The following DNAH11 variants were observed in gnomAD, a reference collection of about 807,000 sequenced individuals.
DNAH11 encodes the protein dynein axonemal heavy chain 11.
Under a neutral mutation model 526.0 loss-of-function variants are expected in DNAH11, and 442 were observed. That is an observed-to-expected ratio of 0.84 (90% CI 0.78 to 0.91). DNAH11 has a LOEUF of 0.91. Among genes scored for constraint, DNAH11 ranks in the 40% least tolerant of loss-of-function variants. DNAH11 has a pLI of 0.00. For synonymous variants in DNAH11, 2,461 were observed against 1,935.9 expected, an observed-to-expected ratio of 1.27 and a Z score of -7.12; for missense variants, 6,989 against 5,448.7, an observed-to-expected ratio of 1.28 and a Z score of -8.90.
At chr7:21,779,636 T>G (rs994644579) in intron 57 of DNAH11, among the ~76,000 whole-genome samples, 11 of 152,238 alleles carry the variant, frequency 7.2e-5, no homozygotes, top group Non-Finnish European at 1.5e-4. Flanking sequence ...CCTTTAAGAT[T>G]ATATAGATTC....
chr7:21,809,075 A>G (rs1244517677), intron 63 of DNAH11, among the ~76,000 whole-genome samples: 1 of 152,152 alleles, frequency 6.6e-6, no homozygotes, highest in Non-Finnish European at 1.5e-5. Context: ...TAGCCATTCT[A>G]ACTGAGGTGA....
intron 14 of DNAH11, among the ~76,000 whole-genome samples, chr7:21,592,100 A>C (rs1168248861): frequency 6.6e-6 from 1 of 152,214 alleles, no homozygotes; most frequent in Non-Finnish European, 1.5e-5. Flanking sequence ...GAAGGCAGGA[A>C]AATAAAAGCA....
intron 32 of DNAH11, among the ~76,000 whole-genome samples, chr7:21,686,500 CA>C (rs1171981701): frequency 1.3e-5 from 2 of 152,020 alleles, no homozygotes; most frequent in Non-Finnish European, 2.9e-5. Flanking sequence ...GTCTTTGCTG[CA>C]AAAATAAGTA....
intron 25 of DNAH11, among the ~76,000 whole-genome samples, chr7:21,629,524 T>C (rs1032870777): frequency 2.0e-5 from 3 of 152,144 alleles, no homozygotes; most frequent in Admixed American, 2.0e-4. Context: ...TGTACTATCA[T>C]TGTGTTGCAG....
intron 63 of DNAH11, among the ~76,000 whole-genome samples, chr7:21,811,447 T>C (rs1404976199): frequency 3.8e-5 from 5 of 132,178 alleles, no homozygotes; most frequent in African/African-American, 1.5e-4. Context: ...CAGAGTGAGA[T>C]GCCATCTCAA....
At chr7:21,653,102 C>G (rs796838085) in intron 28 of DNAH11, among the ~76,000 whole-genome samples, 76 of 152,278 alleles carry the variant, frequency 5.0e-4, no homozygotes, top group African/African-American at 1.8e-3. Flanking sequence ...TTTGGAACTC[C>G]TGACCTCAGG....
intron 65 of DNAH11, among the ~76,000 whole-genome samples, chr7:21,835,532 A>G (rs777920435): frequency 5.9e-5 from 9 of 152,212 alleles, no homozygotes; most frequent in Non-Finnish European, 8.8e-5. Context: ...ATTTCAATCA[A>G]CACAGAAAAC....
At chr7:21,579,481 C>A (rs1215655549) in intron 8 of DNAH11, among the ~76,000 whole-genome samples, 1 of 152,008 alleles carries the variant, frequency 6.6e-6, no homozygotes, top group Admixed American at 6.6e-5. Flanking sequence ...ACATAGGGCC[C>A]CTTTCCAGAG....
At chr7:21,638,160 A>C (rs1035250546) in intron 27 of DNAH11, among the ~76,000 whole-genome samples, 73 of 152,208 alleles carry the variant, frequency 4.8e-4, no homozygotes, top group Non-Finnish European at 2.1e-4. Flanking sequence ...TTTCACATTT[A>C]ATTCTATAAG....
intron 9 of DNAH11, among the ~76,000 whole-genome samples, chr7:21,582,312 A>G (rs1784339384): frequency 6.6e-6 from 1 of 152,228 alleles, no homozygotes; most frequent in African/African-American, 2.4e-5. Context: ...TATTGATTCA[A>G]AATTAAGTCA....
At position 21,638,691 on chromosome 7, in the gene DNAH11, G is replaced by GGTGTGTGT. The variant is rs56257528; in HGVS notation, c.4818-213_4818-206dup. Among the ~76,000 whole-genome samples the GGTGTGTGT allele has an allele frequency of 7.8e-3, 1,122 of 144,200 alleles. 8 individuals are homozygous for GGTGTGTGT. Among genetic ancestry groups the GGTGTGTGT allele is most frequent in the African/African-American group, 0.025 (976 of 39,092 alleles). 94.6% of individuals were successfully genotyped at this position (144,200 alleles called of 152,430 possible). ...ATTCATATTTAGCCACAGCTAATGG[G>GGTGTGTGT]GTGTGTGTGTGTGTGTGTGTGTGTG... On this transcript the variant is annotated intron_variant, in intron 27 of 81. Coordinates refer to ENST00000409508, the MANE Select transcript of DNAH11 (RefSeq NM_001277115.2).
At chr7:21,804,634 A>G (rs184245799) in intron 62 of DNAH11, among the ~76,000 whole-genome samples, 1 of 152,248 alleles carries the variant, frequency 6.6e-6, no homozygotes, top group East Asian at 1.9e-4. Flanking sequence ...CATCAAATCC[A>G]TCAGATATTC....
intron 23 of DNAH11, 141 bp from the exon 24 acceptor site, chr7:21,618,959 C>T (rs1332378237): frequency 2.7e-6 from 3 of 1,094,406 alleles, no homozygotes; most frequent in African/African-American, 1.6e-5. Context: ...GTCTTAGATT[C>T]TCCACGTATT....
chr7:21,856,018 G>A (rs1782833626), intron 68 of DNAH11, among the ~76,000 whole-genome samples: 1 of 152,090 alleles, frequency 6.6e-6, no homozygotes, highest in Non-Finnish European at 1.5e-5. Context: ...AAGAGTGTTT[G>A]GAGAAAACAG....
At chr7:21,591,692 G>C in intron 14 of DNAH11, 115 bp downstream of exon 14, 1 of 1,121,330 alleles carries the variant, frequency 8.9e-7, no homozygotes, top group Non-Finnish European at 1.2e-6. Flanking sequence ...AGAGCTTTAT[G>C]AATGGTATTA....
At position 21,667,385 on chromosome 7, in the gene DNAH11, C is replaced by T. The variant is rs184340108; in HGVS notation, c.5328+8354C>T. The stretch of plus-strand genomic sequence containing the variant: ...GGCCATATAGTCTCTTCTGCATGCA[C>T]GCATCTCTATTGTAGTGGTTGCAAA... On this transcript the variant is annotated intron_variant, in intron 30 of 81. Transcript: ENST00000409508. Among the ~76,000 whole-genome samples the T allele has an allele frequency of 1.7e-3, 259 of 152,178 alleles. 2 individuals are homozygous for T. Among genetic ancestry groups the T allele is most frequent in the Middle Eastern group, 6.8e-3 (2 of 294 alleles).
intron 71 of DNAH11, among the ~76,000 whole-genome samples, chr7:21,867,041 G>A (rs992144909): frequency 6.6e-6 from 1 of 152,158 alleles, no homozygotes. Flanking sequence ...TGAAGATTTT[G>A]CATGTCAAAC....
At chr7:21,813,229 A>C (rs1789613054) in intron 63 of DNAH11, among the ~76,000 whole-genome samples, 1 of 152,110 alleles carries the variant, frequency 6.6e-6, no homozygotes, top group Admixed American at 6.6e-5. Context: ...GTCATAGGCA[A>C]GTTCAAGGCA....
chr7:21,735,537 A>T (rs140925052), intron 45 of DNAH11, 103 bp from the exon 46 acceptor site: 2 of 942,832 alleles, frequency 2.1e-6, no homozygotes, highest in African/African-American at 3.3e-5. Flanking sequence ...TTTCAATTAT[A>T]AAGTGACTGT....
Sources: gnomAD v4.1 joint callset for allele counts (sites outside exome capture counted in the v4.1 genomes callset) on GRCh38, gnomAD v4.1.1 for gene constraint, MANE v1.5 for transcripts, NCBI Gene and HGNC (gene_info 2026-07-23, HGNC 2026-07-21) for gene names.